ADGRV1: variants seen among roughly 807,000 people sequenced by gnomAD.
ADGRV1 encodes the protein adhesion G protein-coupled receptor V1.
ADGRV1 carries 359 observed loss-of-function variants against 596.2 expected under a neutral mutation model. That is an observed-to-expected ratio of 0.60 (90% CI 0.55 to 0.66). The LOEUF is 0.66. Ranked by LOEUF, ADGRV1 falls within the 30% of genes least tolerant of loss-of-function variation. The probability of loss-of-function intolerance (pLI) is 0.00; values close to 1 mark genes in which losing one functional copy is unlikely to be tolerated. For missense variants in ADGRV1, 7,274 were observed against 7,575.6 expected, an observed-to-expected ratio of 0.96 and a Z score of 1.48; for synonymous variants, 2,681 against 2,679.2, an observed-to-expected ratio of 1.00 and a Z score of -0.02.
intron 33 of ADGRV1, among the ~76,000 whole-genome samples, chr5:90,695,810 G>C (rs1183535952): frequency 1.3e-5 from 2 of 151,982 alleles, no homozygotes; most frequent in African/African-American, 4.8e-5. Flanking sequence ...CGGAAGATGG[G>C]AACAGGTTAG....
At chr5:91,064,136 T>C (rs1581943089) in intron 85 of ADGRV1, among the ~76,000 whole-genome samples, 2 of 152,308 alleles carry the variant, frequency 1.3e-5, no homozygotes, top group Middle Eastern at 6.8e-3. Context: ...CAAAAACTGC[T>C]AAGAACCAGT....
chr5:90,635,902 C>CT (rs34780360), intron 10 of ADGRV1, among the ~76,000 whole-genome samples: 1,812 of 141,690 alleles, frequency 0.013, 15 homozygotes, highest in South Asian at 0.059. Context: ...GCCTATAAAC[C>CT]TTTTTTTTTT....
intron 55 of ADGRV1, among the ~76,000 whole-genome samples, chr5:90,755,617 G>A (rs1227526504): frequency 1.3e-5 from 2 of 151,762 alleles, no homozygotes; most frequent in Non-Finnish European, 2.9e-5. Context: ...TCTTCAGATG[G>A]TTTAGATCTG....
At chr5:90,560,474 G>T (rs1754672308) in intron 1 of ADGRV1, among the ~76,000 whole-genome samples, 1 of 152,028 alleles carries the variant, frequency 6.6e-6, no homozygotes, top group African/African-American at 2.4e-5. Context: ...TATAGATAAT[G>T]ATACTGAAGA....
intron 85 of ADGRV1, among the ~76,000 whole-genome samples, chr5:91,030,190 T>G (rs1246144549): frequency 6.6e-6 from 1 of 152,168 alleles, no homozygotes; most frequent in Non-Finnish European, 1.5e-5. Flanking sequence ...AATGATGAGA[T>G]TATATTGATA....
chr5:90,776,671 G>C, intron 61 of ADGRV1, 95 bp downstream of exon 61: 4 of 1,328,100 alleles, frequency 3.0e-6, no homozygotes, highest in Non-Finnish European at 4.3e-6. Flanking sequence ...TACATACATA[G>C]TCTTCAAGCA....
intron 85 of ADGRV1, among the ~76,000 whole-genome samples, chr5:91,056,888 G>C (rs999813785): frequency 5.9e-5 from 9 of 152,258 alleles, no homozygotes; most frequent in South Asian, 2.1e-4. Context: ...TTTACTTTTT[G>C]TCTAACATAA....
chr5:90,589,022 C>T (rs1276159634), intron 1 of ADGRV1, among the ~76,000 whole-genome samples: 1 of 152,092 alleles, frequency 6.6e-6, no homozygotes, highest in Non-Finnish European at 1.5e-5. Flanking sequence ...AAAGTATTGT[C>T]TTTCAAGAAA....
At chr5:90,643,664 A>G (rs1430966228) in intron 13 of ADGRV1, 139 bp from the exon 14 acceptor site, 2 of 562,646 alleles carry the variant, frequency 3.6e-6, no homozygotes, top group Non-Finnish European at 6.0e-6. Flanking sequence ...TAAAGAAATG[A>G]TACCACCTCT....
At chr5:90,914,861 T>C (rs2150708386) in intron 83 of ADGRV1, among the ~76,000 whole-genome samples, 1 of 152,310 alleles carries the variant, frequency 6.6e-6, no homozygotes, top group East Asian at 1.9e-4. Flanking sequence ...GTTAATTGCC[T>C]TCAAGATCTC....
At position 90,705,468 on chromosome 5, in the gene ADGRV1, A is replaced by C; in HGVS notation, c.8455A>C (p.Ser2819Arg). The change falls in exon 37 of 90, where the codon AGT becomes CGT. Residue 2819 changes from serine to arginine, a missense_variant. Physicochemically the swap from Ser to Arg is moderately radical, Grantham distance 110. Around this residue, in one of 5 missense-constraint regions of ADGRV1, gnomAD observed 3,643 missense variants for 3,809.2 expected, o/e 0.96. Transcript: ENST00000405460. ...GYAAVLTVEA[S>R]DEPHGVLNFA... is the part of the protein sequence containing the mutation. ...TGCAGCTGTCCTCACAGTAGAAGCC[A>C]GTGATGAACCACATGGAGTTTTAAA... The C allele has an allele frequency of 6.2e-7, 1 of 1,613,942 alleles. No homozygotes were observed. Among genetic ancestry groups the C allele is most frequent in the Non-Finnish European group, 8.5e-7 (1 of 1,179,790 alleles).
intron 21 of ADGRV1, among the ~76,000 whole-genome samples, chr5:90,665,344 G>C (rs1007801612): frequency 6.6e-6 from 1 of 151,800 alleles, no homozygotes; most frequent in African/African-American, 2.4e-5. Context: ...AGTCTTGGGA[G>C]AGTGTATGTG....
At chr5:90,752,551 A>T (rs1755384034) in intron 53 of ADGRV1, among the ~76,000 whole-genome samples, 1 of 152,080 alleles carries the variant, frequency 6.6e-6, no homozygotes, top group Non-Finnish European at 1.5e-5. Context: ...AACATGTGGT[A>T]TTTGGTTTTC....
intron 50 of ADGRV1, among the ~76,000 whole-genome samples, chr5:90,736,368 A>G (rs114154721): frequency 0.011 from 1,725 of 151,970 alleles, 39 homozygotes; most frequent in African/African-American, 0.039. Context: ...GTTGAATTCA[A>G]TTTGCTATTG....
intron 83 of ADGRV1, among the ~76,000 whole-genome samples, chr5:90,886,029 T>G (rs1770247039): frequency 6.6e-6 from 1 of 152,144 alleles, no homozygotes; most frequent in African/African-American, 2.4e-5. Context: ...CTGATTTTAG[T>G]GTAGCAGGAT....
rs1231629375 is a variant in ADGRV1 at position 90,676,134 on chromosome 5, A to G, written c.5368A>G (p.Ile1790Val). 3.7e-6 allele frequency: 6 copies of G among 1,605,662 alleles called. No individual in the cohort carries two copies. Among genetic ancestry groups the G allele is most frequent in the African/African-American group, 2.7e-5 (2 of 74,878 alleles). ...AGGAGAAAGATATAAATACATTTTC[A>G]TAAACATCACTGATAATTCTATTCC... is the stretch of plus-strand genomic sequence containing the variant. ...QPGERYKYIF[I>V]NITDNSIPEL... The change falls in exon 25 of 90, where the codon ATA becomes GTA. Residue 1790 changes from isoleucine to valine, a missense_variant. This residue lies in a region of ADGRV1 where 3,643 missense variants were observed against 3,809.2 expected (regional missense o/e 0.96). Transcript: ENST00000405460.
chr5:90,716,753 A>G, intron 43 of ADGRV1, 24 bp downstream of exon 43: 1 of 1,556,180 alleles, frequency 6.4e-7, no homozygotes. Context: ...CTTTAATGAG[A>G]ATGGAAGTTT....
Position 90,810,543 on chromosome 5 carries a change from A to C in ADGRV1, c.15283A>C (p.Thr5095Pro). The C allele has an allele frequency of 6.2e-7, 1 of 1,613,696 alleles. No individual in the cohort carries two copies. The highest frequency in any genetic ancestry group is 8.5e-7 in the Non-Finnish European group (1 of 1,179,636). ...EIEEFFYINL[T>P]SVEIRGLQKF... ...AGAAGAATTTTTTTACATTAACCTT[A>C]CTTCAGTAGAAATTAGGGGATTACA... The change falls in exon 74 of 90, where the codon ACT (threonine) becomes CCT (proline). Residue 5095 changes from threonine (T) to proline (P), a missense_variant. Thr to Pro is a conservative substitution (Grantham distance 38). Coordinates refer to ENST00000405460, the MANE Select transcript of ADGRV1 (RefSeq NM_032119.4).
intron 36 of ADGRV1, 48 bp from the exon 37 acceptor site, chr5:90,705,352 T>G (rs1289416527): frequency 6.5e-7 from 1 of 1,537,564 alleles, no homozygotes; most frequent in East Asian, 2.3e-5. Context: ...TTCCAGCGAT[T>G]AAAAGCTAAT....
Sources: allele counts gnomAD v4.1 joint callset (sites outside exome capture counted in the v4.1 genomes callset), GRCh38; gene constraint gnomAD v4.1.1; regional missense constraint gnomAD v4.1.1; transcripts MANE v1.5; gene names NCBI Gene and HGNC (gene_info 2026-07-23, HGNC 2026-07-21).